Variants in ATG13 observed in about 807,000 individuals in gnomAD.
ATG13 encodes autophagy-related protein 13.
ATG13 carries 23 observed loss-of-function variants against 65.5 expected under a neutral mutation model. The observed-to-expected ratio is 0.35, with a 90% CI of 0.25 to 0.50. ATG13 has a LOEUF of 0.50. Ranked by LOEUF, ATG13 falls within the 20% of genes least tolerant of loss-of-function variation. ATG13 has a pLI of 0.98. For missense variants in ATG13, 566 were observed against 677.0 expected, an observed-to-expected ratio of 0.84 and a Z score of 1.82; for synonymous variants, 252 against 245.2, an observed-to-expected ratio of 1.03 and a Z score of -0.26.
chr11:46,617,996 A>C (rs2045865784), intron 1 of ATG13, 106 bp downstream of exon 1: 1 of 398,154 alleles, frequency 2.5e-6, no homozygotes, highest in African/African-American at 2.1e-5. Flanking sequence ...AGAAGGGATT[A>C]GCCACGGTTC....
chr11:46,663,797 A>G (rs1196302972), intron 11 of ATG13, among the ~76,000 whole-genome samples, 200 bp from the exon 12 acceptor site: 3 of 152,172 alleles, frequency 2.0e-5, no homozygotes, highest in African/African-American at 7.2e-5. Context: ...CCTGAAATAA[A>G]CATCACTCTA....
rs533104274 is a variant in ATG13 at position 46,672,742 on chromosome 11, T to C, written c.*410T>C. 7.7e-7 allele frequency: 1 copy of C among 1,300,746 alleles called. No homozygotes were observed. Among genetic ancestry groups the C allele is most frequent in the South Asian group, 1.2e-5 (1 of 85,486 alleles). 80.6% of individuals were successfully genotyped at this position (1,300,746 alleles called of 1,614,324 possible). On this transcript the variant is annotated 3_prime_UTR_variant, in exon 19 of 19. Coordinates refer to ENST00000683050, the MANE Select transcript of ATG13 (RefSeq NM_001346311.2). ...ATCCACTGTTTGACATTCCAGCTGGTGGCCAAGAGATTGGTGTGGAGTCGC... is the reference window on the plus strand; with the variant it reads ...ATCCACTGTTTGACATTCCAGCTGGCGGCCAAGAGATTGGTGTGGAGTCGC...
At chr11:46,665,632 A>G (rs1332781020) in intron 14 of ATG13, 113 bp downstream of exon 14, 31 of 1,385,968 alleles carry the variant, frequency 2.2e-5, no homozygotes, top group Non-Finnish European at 2.9e-5. Flanking sequence ...TGGCTGGGAC[A>G]TGGCATTTGA....
chr11:46,656,015 C>G (rs570885808), intron 7 of ATG13, among the ~76,000 whole-genome samples: 1 of 152,314 alleles, frequency 6.6e-6, no homozygotes, highest in South Asian at 2.1e-4. Context: ...GCCACTGTGC[C>G]TGGCCTTATT....
In ATG13 at chr11:46,628,141, C is replaced by T. The variant is rs184167626; in HGVS notation, c.-69-1904C>T. Reference sequence around the variant, plus strand: ...CATTTTGGCCAGGCATGGTAGCTCACGCCTGTAATCCCAGCATTTGGGAGA... The same window carrying T: ...CATTTTGGCCAGGCATGGTAGCTCATGCCTGTAATCCCAGCATTTGGGAGA... On this transcript the variant is annotated intron_variant, in intron 1 of 18. Transcript: ENST00000683050. 1.2e-3 allele frequency among the ~76,000 whole-genome samples: 182 copies of T among 151,046 alleles called. 1 individual carries two copies. The highest frequency in any genetic ancestry group is 2.3e-3 in the Non-Finnish European group (155 of 67,858).
chr11:46,620,003 C>A (rs575604960), intron 1 of ATG13, among the ~76,000 whole-genome samples: 2 of 146,058 alleles, frequency 1.4e-5, no homozygotes, highest in Non-Finnish European at 3.0e-5. Flanking sequence ...CACTCCAGCC[C>A]GGGAGACAGC....
At chr11:46,653,566 CTT>C (rs573563973) in intron 7 of ATG13, among the ~76,000 whole-genome samples, 6 of 142,506 alleles carry the variant, frequency 4.2e-5, no homozygotes, top group Non-Finnish European at 3.1e-5. Context: ...CATGAAGCTT[CTT>C]TTTTTTTTTT....
At chr11:46,638,301 G>A (rs1471840064) in intron 2 of ATG13, among the ~76,000 whole-genome samples, 3 of 152,096 alleles carry the variant, frequency 2.0e-5, no homozygotes, top group Non-Finnish European at 2.9e-5. Flanking sequence ...GCTGGGCGAG[G>A]TGGCGCATGC....
chr11:46,654,811 A>G (rs915925585), intron 7 of ATG13, among the ~76,000 whole-genome samples: 1 of 150,442 alleles, frequency 6.6e-6, no homozygotes, highest in African/African-American at 2.4e-5. Context: ...AAAAACCCGA[A>G]AAACAGGCCA....
At chr11:46,654,541 C>T (rs938717191) in intron 7 of ATG13, among the ~76,000 whole-genome samples, 3 of 150,268 alleles carry the variant, frequency 2.0e-5, no homozygotes, top group East Asian at 2.0e-4. Flanking sequence ...GGCAACACAC[C>T]GAGACCCTGT....
chr11:46,622,798 G>A (rs1195811151), intron 1 of ATG13, among the ~76,000 whole-genome samples: 1 of 152,150 alleles, frequency 6.6e-6, no homozygotes, highest in African/African-American at 2.4e-5. Flanking sequence ...TCCAACACTT[G>A]TTGAACAGAA....
chr11:46,633,418 G>C (rs1430915669), intron 2 of ATG13, among the ~76,000 whole-genome samples: 1 of 151,540 alleles, frequency 6.6e-6, no homozygotes, highest in Non-Finnish European at 1.5e-5. Context: ...GCGCAATCTT[G>C]GCTCGTGCAA....
At chr11:46,618,647 C>G (rs1468016227) in intron 1 of ATG13, among the ~76,000 whole-genome samples, 1 of 152,126 alleles carries the variant, frequency 6.6e-6, no homozygotes, top group South Asian at 2.1e-4. Context: ...ACAACAAGCT[C>G]TTCCTTTACA....
intron 14 of ATG13, 42 bp downstream of exon 14, chr11:46,665,561 G>T (rs2062121904): frequency 5.6e-6 from 9 of 1,607,930 alleles, no homozygotes; most frequent in African/African-American, 1.3e-5. Flanking sequence ...AGGCTGGCCA[G>T]GGGCCTGGGC....
intron 2 of ATG13, among the ~76,000 whole-genome samples, chr11:46,643,667 A>AGG (rs2056793244): frequency 6.7e-6 from 1 of 149,942 alleles, no homozygotes; most frequent in Non-Finnish European, 1.5e-5. Flanking sequence ...ATCTTGCCCA[A>AGG]GCTGGTCCAA....
At chr11:46,668,414 A>G (rs2062886184) in intron 15 of ATG13, 85 bp from the exon 16 acceptor site, 3 of 1,357,638 alleles carry the variant, frequency 2.2e-6, no homozygotes, top group Admixed American at 1.7e-5. Flanking sequence ...AACTTGCTGG[A>G]CCTCTAGGCT....
chr11:46,626,148 G>A (rs1000366501), intron 1 of ATG13, among the ~76,000 whole-genome samples: 1 of 151,954 alleles, frequency 6.6e-6, no homozygotes, highest in African/African-American at 2.4e-5. Context: ...GTAGAGACAG[G>A]GTTTCACCAT....
At chr11:46,655,596 A>C (rs2059887076) in intron 7 of ATG13, among the ~76,000 whole-genome samples, 1 of 152,160 alleles carries the variant, frequency 6.6e-6, no homozygotes, top group African/African-American at 2.4e-5. Context: ...ACAAAACAAA[A>C]CCAGTGCCTT....
At chr11:46,669,613 C>A in intron 18 of ATG13, 81 bp downstream of exon 18, 1 of 1,478,072 alleles carries the variant, frequency 6.8e-7, no homozygotes, top group Non-Finnish European at 9.3e-7. Flanking sequence ...GGCCTACCAC[C>A]TTCTATCTTC....
Sources: gnomAD v4.1 joint callset for allele counts (sites outside exome capture counted in the v4.1 genomes callset) on GRCh38, gnomAD v4.1.1 for gene constraint, MANE v1.5 for transcripts, NCBI Gene and HGNC (gene_info 2026-07-23, HGNC 2026-07-21) for gene names.